FRAS1: variants seen among roughly 807,000 people sequenced by gnomAD.
The protein encoded by FRAS1 is extracellular matrix organizing protein FRAS1.
In FRAS1, 290 loss-of-function variants were observed where a neutral mutation model predicts 435.2. The observed-to-expected ratio is 0.67, with a 90% confidence interval of 0.61 to 0.73. The LOEUF (loss-of-function observed/expected upper bound fraction) is 0.73, where lower values mean the gene tolerates loss of function less well. Ranked by LOEUF, FRAS1 falls within the 30% of genes least tolerant of loss-of-function variation. The pLI is 0.00. For missense variants in FRAS1, 4,860 were observed against 5,001.5 expected (o/e 0.97, Z 0.85); for synonymous variants, 1,800 against 1,851.0 (o/e 0.97, Z 0.71).
At position 78,432,367 on chromosome 4, in the gene FRAS1, C is replaced by G. The variant is rs1425783728; in HGVS notation, c.4980C>G (p.Phe1660Leu). 1.6e-5 allele frequency: 25 copies of G among 1,596,168 alleles called. No individual in the cohort carries two copies. In the Admixed American group the frequency reaches 4.0e-4, roughly 25 times the overall value. Residue 1660 changes from phenylalanine (F) to leucine (L), a missense_variant, in exon 38 of 74, where the codon TTC becomes TTG. Physicochemically the swap from Phe to Leu is conservative, Grantham distance 22. Transcript: ENST00000512123. ...FRRPMATGDT[F>L]TYEDVEKNAL... The stretch of plus-strand genomic sequence containing the variant: ...TTTTATTCTTGGAAGGTGACACTTT[C>G]ACCTATGAGGATGTTGAGAAAAATG...
At chr4:78,280,397 T>A (rs1413842795) in intron 10 of FRAS1, among the ~76,000 whole-genome samples, 1 of 152,086 alleles carries the variant, frequency 6.6e-6, no homozygotes, top group Non-Finnish European at 1.5e-5. Flanking sequence ...CAGGACAACT[T>A]GAGATTTTTT....
In FRAS1 at chr4:78,486,667, T is replaced by C. The variant is rs141586779; in HGVS notation, c.8753-2208T>C. Among the ~76,000 whole-genome samples the C allele has an allele frequency of 3.8e-3, 577 of 152,220 alleles. 5 individuals carry two copies. The highest frequency in any genetic ancestry group is 0.025 in the South Asian group (122 of 4,820). On this transcript the variant is annotated intron_variant, in intron 58 of 73. Transcript: ENST00000512123. ...AAAACCTTTAACACAATGCCTGACT[T>C]ACAACATAAATCCCCTGTGCTAAAT...
intron 14 of FRAS1, among the ~76,000 whole-genome samples, chr4:78,295,209 A>T (rs964341913): frequency 1.3e-5 from 2 of 152,162 alleles, no homozygotes; most frequent in Non-Finnish European, 2.9e-5. Context: ...CATGATGTAA[A>T]CATTTTTAGT....
chr4:78,282,294 G>A (rs1454893), intron 11 of FRAS1, among the ~76,000 whole-genome samples: 1 of 152,136 alleles, frequency 6.6e-6, no homozygotes, highest in Non-Finnish European at 1.5e-5. Flanking sequence ...TGAAAGCTTA[G>A]GGCACATCTA....
intron 2 of FRAS1, among the ~76,000 whole-genome samples, chr4:78,162,598 GT>G (rs1009942968): frequency 6.6e-6 from 1 of 152,140 alleles, no homozygotes; most frequent in African/African-American, 2.4e-5. Flanking sequence ...CAGCTGTAGA[GT>G]TTTCACTGTA....
intron 18 of FRAS1, among the ~76,000 whole-genome samples, chr4:78,330,643 G>T (rs919055365): frequency 1.3e-5 from 2 of 152,150 alleles, no homozygotes; most frequent in African/African-American, 4.8e-5. Context: ...AGACTGCAGG[G>T]GTGAAATAGA....
intron 14 of FRAS1, among the ~76,000 whole-genome samples, chr4:78,296,062 C>G (rs1728132840): frequency 6.6e-6 from 1 of 151,736 alleles, no homozygotes; most frequent in African/African-American, 2.4e-5. Flanking sequence ...CAGATATTTC[C>G]TTCTTTCTTG....
At chr4:78,375,319 A>T (rs1430248273) in intron 25 of FRAS1, among the ~76,000 whole-genome samples, 1 of 152,180 alleles carries the variant, frequency 6.6e-6, no homozygotes, top group East Asian at 1.9e-4. Flanking sequence ...CCTCCCAACA[A>T]TTATTTGCAC....
Position 78,387,549 on chromosome 4 carries a change from C to G in FRAS1, c.3823C>G (p.Pro1275Ala), listed in dbSNP as rs773034253. Residue 1275 changes from proline to alanine, a missense_variant, in exon 29 of 74, where the codon CCT (proline) becomes GCT (alanine). By Grantham distance (27) the Pro-to-Ala change is conservative. Coordinates refer to ENST00000512123, the MANE Select transcript of FRAS1 (RefSeq NM_025074.7). ...LLQTLQSPAT[P>A]IYQFQLDELS... is the part of the protein sequence containing the mutation. Reference sequence around the variant, plus strand: ...TCAGACACTTCAGTCCCCGGCAACCCCTATCTATCAATTCCAGCTGGATGA... The same window carrying G: ...TCAGACACTTCAGTCCCCGGCAACCGCTATCTATCAATTCCAGCTGGATGA... 3 of 1,613,692 alleles carry G rather than the reference C, an allele frequency of 1.9e-6. No homozygotes were observed. Among genetic ancestry groups the G allele is most frequent in the South Asian group, 2.2e-5 (2 of 91,048 alleles).
At chr4:78,403,194 G>T (rs528217933) in intron 30 of FRAS1, among the ~76,000 whole-genome samples, 1 of 152,072 alleles carries the variant, frequency 6.6e-6, no homozygotes, top group Admixed American at 6.5e-5. Flanking sequence ...ATCAGTAAAA[G>T]ACAAAAAATT....
intron 14 of FRAS1, among the ~76,000 whole-genome samples, chr4:78,306,139 T>C (rs1380503502): frequency 2.0e-5 from 3 of 152,190 alleles, no homozygotes; most frequent in Non-Finnish European, 4.4e-5. Flanking sequence ...TTTGGCTAGA[T>C]ATGAAATTCT....
At chr4:78,516,799 A>T (rs930151915) in intron 66 of FRAS1, among the ~76,000 whole-genome samples, 11 of 152,208 alleles carry the variant, frequency 7.2e-5, no homozygotes, top group Non-Finnish European at 1.6e-4. Flanking sequence ...CAAGAACAGC[A>T]TGAGGGAAAC....
Position 78,515,992 on chromosome 4 carries a change from C to T in FRAS1, c.10368C>T (p.Gly3456=), listed in dbSNP as rs1281451970. ...DMTELIDVCG[G]SVTADFQVRD... The stretch of plus-strand genomic sequence containing the variant: ...CTGAGCTGATTGACGTCTGTGGGGG[C>T]TCTGTAACCGCTGACTTCCAGGTAG... The change falls in exon 66 of 74, where the codon GGC becomes GGT. Residue 3456 remains glycine, a synonymous_variant. Coordinates refer to ENST00000512123, the MANE Select transcript of FRAS1 (RefSeq NM_025074.7). 1 of 1,613,448 alleles carries T rather than the reference C, an allele frequency of 6.2e-7. No homozygotes were observed. Among genetic ancestry groups the T allele is most frequent in the South Asian group, 1.1e-5 (1 of 90,948 alleles).
At position 78,526,562 on chromosome 4, in the gene FRAS1, C is replaced by T. The variant is rs1168836868; in HGVS notation, c.10830C>T (p.Tyr3610=). 6.3e-7 allele frequency: 1 copy of T among 1,597,942 alleles called. No individual in the cohort carries two copies. The highest frequency in any genetic ancestry group is 1.7e-5 in the Admixed American group (1 of 58,214). Residue 3610 remains tyrosine (Y), a synonymous_variant, in exon 70 of 74, where the codon TAC becomes TAT. Coordinates refer to ENST00000512123, the MANE Select transcript of FRAS1 (RefSeq NM_025074.7). ...CCAGGAAGGACTACTCAGGAGAGTACACCATCTACCTGATCCCTTGCACAG... is the reference window on the plus strand; with the variant it reads ...CCAGGAAGGACTACTCAGGAGAGTATACCATCTACCTGATCCCTTGCACAG... The part of the protein sequence containing the change: ...SYNRKDYSGE[Y]TIYLIPCTVQ...
intron 2 of FRAS1, among the ~76,000 whole-genome samples, chr4:78,121,963 G>A (rs6842385): frequency 0.053 from 8,011 of 152,196 alleles, 355 homozygotes; most frequent in African/African-American, 0.11. Context: ...GACAAGAACT[G>A]TATCTGTTTA....
At chr4:78,096,678 C>T (rs549860920) in intron 2 of FRAS1, among the ~76,000 whole-genome samples, 1 of 152,306 alleles carries the variant, frequency 6.6e-6, no homozygotes, top group East Asian at 1.9e-4. Flanking sequence ...CTACATTGGC[C>T]CCTTTCAGCC....
rs116507538 is a variant in FRAS1, at chr4:78,444,261, C to T, written c.5666-1261C>T. Reference sequence around the variant, plus strand: ...TTGGAAGGAATTTTAGCCGTTCCTTCTGGAAACCCTGAACTGTATAGCCTA... The same window carrying T: ...TTGGAAGGAATTTTAGCCGTTCCTTTTGGAAACCCTGAACTGTATAGCCTA... On this transcript the variant is annotated intron_variant, in intron 41 of 73. Transcript: ENST00000512123. 3.0e-3 allele frequency: 1,327 copies of T among 435,570 alleles called. 19 individuals carry two copies. Among genetic ancestry groups the T allele is most frequent in the African/African-American group, 0.024 (1,168 of 49,346 alleles). The allele number at this position is 435,570 out of a possible 1,614,324, so 27.0% of individuals were successfully genotyped here.
chr4:78,182,237 A>G (rs911329714), intron 2 of FRAS1, among the ~76,000 whole-genome samples: 1 of 152,250 alleles, frequency 6.6e-6, no homozygotes, highest in African/African-American at 2.4e-5. Context: ...CCATGAAAGT[A>G]TAGAACAGGG....
In FRAS1 at chr4:78,195,197, G is replaced by A. The variant is rs189423511; in HGVS notation, c.109-42313G>A. ...GTCTGCCCCTACTAGGGGGTGCCTC[G>A]CAGTTAGGCTACTCGGGGGTCAGGG... On this transcript the variant is annotated intron_variant, in intron 2 of 73. Coordinates refer to ENST00000512123, the MANE Select transcript of FRAS1 (RefSeq NM_025074.7). Among the ~76,000 whole-genome samples, 254 of 152,308 alleles carry A rather than the reference G, an allele frequency of 1.7e-3. 1 individual carries two copies. Among genetic ancestry groups the A allele is most frequent in the South Asian group, 9.3e-3 (45 of 4,822 alleles).
Sources: gnomAD v4.1 joint callset for allele counts (sites outside exome capture counted in the v4.1 genomes callset) on GRCh38, gnomAD v4.1.1 for gene constraint, MANE v1.5 for transcripts, NCBI Gene and HGNC (gene_info 2026-07-23, HGNC 2026-07-21) for gene names.